SOX6: variants seen among roughly 807,000 people sequenced by gnomAD.
The protein encoded by SOX6 is transcription factor SOX-6.
SOX6 carries 11 observed loss-of-function variants against 97.8 expected under a neutral mutation model. The ratio of observed to expected loss-of-function variants is 0.11; its 90% CI spans 0.07 to 0.19. The LOEUF (loss-of-function observed/expected upper bound fraction) is 0.19. SOX6 is among the 10% of genes least tolerant of loss of function. SOX6 has a pLI of 1.00. For synonymous variants in SOX6, 360 were observed against 371.4 expected (o/e 0.97, Z 0.35); for missense variants, 810 against 1,039.5 (o/e 0.78, Z 3.04).
chr11:16,413,978 G>A (rs988582246), intron 1 of SOX6, among the ~76,000 whole-genome samples: 11 of 151,284 alleles, frequency 7.3e-5, no homozygotes, highest in African/African-American at 2.5e-4. Flanking sequence ...TGGGGAAACT[G>A]GAAAGCGATT....
At chr11:16,403,376 T>C (rs989797227) in intron 1 of SOX6, among the ~76,000 whole-genome samples, 5 of 151,734 alleles carry the variant, frequency 3.3e-5, no homozygotes, top group African/African-American at 7.2e-5. Context: ...GGTGCCATGA[T>C]GATTGGTCTG....
intron 1 of SOX6, among the ~76,000 whole-genome samples, chr11:16,427,145 G>A (rs977227151): frequency 6.6e-6 from 1 of 151,862 alleles, no homozygotes; most frequent in African/African-American, 2.4e-5. Context: ...AAACTAAAAA[G>A]CTTCTGCACA....
At chr11:16,033,469 T>C (rs1029909733) in intron 12 of SOX6, among the ~76,000 whole-genome samples, 1 of 152,186 alleles carries the variant, frequency 6.6e-6, no homozygotes, top group South Asian at 2.1e-4. Context: ...ATTTCATTCC[T>C]GATGTTTGCC....
chr11:16,732,464 C>A (rs986362170), intron 2 of SOX6, among the ~76,000 whole-genome samples: 3 of 152,144 alleles, frequency 2.0e-5, no homozygotes, highest in African/African-American at 7.2e-5. Flanking sequence ...TTTGACGAAC[C>A]TGACACAAAC....
At chr11:16,536,087 C>T (rs1000872343) in intron 4 of SOX6, among the ~76,000 whole-genome samples, 1 of 152,152 alleles carries the variant, frequency 6.6e-6, no homozygotes, top group Admixed American at 6.5e-5. Context: ...ATTGTGAAAG[C>T]ACAACAGGTG....
At chr11:16,234,393 G>A (rs1256606737) in intron 4 of SOX6, among the ~76,000 whole-genome samples, 189 bp downstream of exon 4, 2 of 151,974 alleles carry the variant, frequency 1.3e-5, no homozygotes, top group African/African-American at 4.8e-5. Flanking sequence ...CAAAAAGTGG[G>A]GAAATTTTTC....
intron 1 of SOX6, among the ~76,000 whole-genome samples, chr11:16,427,598 C>A (rs1008660722): frequency 9.2e-5 from 14 of 151,742 alleles, no homozygotes; most frequent in African/African-American, 2.9e-4. Flanking sequence ...TTTGTCCTTG[C>A]AATAGTTTGC....
chr11:16,294,213 C>A (rs1855000109), intron 3 of SOX6, among the ~76,000 whole-genome samples: 1 of 151,946 alleles, frequency 6.6e-6, no homozygotes, highest in African/African-American at 2.4e-5. Context: ...AATGACATTT[C>A]AGATAATTCA....
intron 6 of SOX6, among the ~76,000 whole-genome samples, chr11:16,169,316 T>C (rs927130353): frequency 6.6e-6 from 1 of 152,074 alleles, no homozygotes; most frequent in Non-Finnish European, 1.5e-5. Flanking sequence ...ATCATTATAA[T>C]ATAATATGAT....
intron 1 of SOX6, among the ~76,000 whole-genome samples, chr11:16,441,877 T>G (rs569578721): frequency 6.6e-6 from 1 of 152,282 alleles, no homozygotes; most frequent in South Asian, 2.1e-4. Flanking sequence ...GAAGACATTC[T>G]TAAGGTGAAA....
intron 9 of SOX6, among the ~76,000 whole-genome samples, chr11:16,083,065 T>C (rs1386581649): frequency 2.6e-5 from 4 of 152,336 alleles, no homozygotes; most frequent in South Asian, 2.1e-4. Context: ...GGGGAACTTA[T>C]ACCTCCTTTT....
chr11:16,060,390 G>A (rs992210190), intron 9 of SOX6, among the ~76,000 whole-genome samples: 3 of 151,860 alleles, frequency 2.0e-5, no homozygotes, highest in Non-Finnish European at 4.4e-5. Flanking sequence ...GAGAAAGGAA[G>A]AGGTACAGCC....
chr11:16,590,975 G>A (rs781361027), intron 4 of SOX6, among the ~76,000 whole-genome samples: 1 of 152,028 alleles, frequency 6.6e-6, no homozygotes, highest in South Asian at 2.1e-4. Context: ...AAGAAAAAAT[G>A]CTTGAGGTGA....
Position 16,687,116 on chromosome 11 carries a change from C to T in SOX6, n.429+27714G>A, listed in dbSNP as rs537756845. ...CTCCAGCCTGGACAACAGAAGAAGA[C>T]TCTGTGTCAAAAAAACAAAAAAAGA... On this transcript the variant is annotated intron_variant and non_coding_transcript_variant, in intron 3 of 5. Coordinates refer to the SOX6 transcript ENST00000524520. Among the ~76,000 whole-genome samples the T allele has an allele frequency of 3.6e-3, 545 of 152,290 alleles. 1 individual carries two copies. The highest frequency in any genetic ancestry group is 6.7e-3 in the Admixed American group (102 of 15,302).
In SOX6 at chr11:16,015,068, C is replaced by A. The variant is rs996326035; in HGVS notation, c.1624-18G>T. ...GTTCTTTCCTAGAGGAACAAATAAT[C>A]AGAGGCTTATTCTAGTTTCCAAAAC... On this transcript the variant is annotated intron_variant, in intron 12 of 15. Coordinates refer to ENST00000683767, the MANE Select transcript of SOX6 (RefSeq NM_001367873.1). 1.2e-6 allele frequency: 2 copies of A among 1,606,528 alleles called. No individual in the cohort carries two copies. Among genetic ancestry groups the A allele is most frequent in the Admixed American group, 1.7e-5 (1 of 59,778 alleles).
chr11:16,423,490 T>C (rs189989176), intron 1 of SOX6, among the ~76,000 whole-genome samples: 103 of 152,332 alleles, frequency 6.8e-4, no homozygotes, highest in Non-Finnish European at 7.6e-4. Context: ...TAGTGCTTTA[T>C]GTGTAACAAA....
intron 7 of SOX6, among the ~76,000 whole-genome samples, chr11:16,108,024 A>C (rs1226625753): frequency 6.6e-6 from 1 of 152,174 alleles, no homozygotes; most frequent in Non-Finnish European, 1.5e-5. Flanking sequence ...GATATTTTAC[A>C]AAATTTAATT....
At chr11:16,210,824 C>T (rs1852201080) in intron 4 of SOX6, among the ~76,000 whole-genome samples, 1 of 152,100 alleles carries the variant, frequency 6.6e-6, no homozygotes, top group East Asian at 1.9e-4. Flanking sequence ...AGTGGAGGAA[C>T]TCAGACAATA....
chr11:16,642,647 G>A lies in SOX6; in HGVS notation n.430-30387C>T, dbSNP rs376285633. Among the ~76,000 whole-genome samples the A allele has an allele frequency of 5.2e-4, 79 of 151,888 alleles. 4 individuals are homozygous for A. The South Asian group carries it at 0.015, about 29-fold the overall frequency. ...CTTTTTTCTCTAAATTTCTCTTCTC[G>A]CTTCATTTCATTCTTTTGATCTTCC... On this transcript the variant is annotated intron_variant and non_coding_transcript_variant, in intron 3 of 5. Coordinates refer to the SOX6 transcript ENST00000524520.
Sources: allele counts gnomAD v4.1 joint callset (sites outside exome capture counted in the v4.1 genomes callset), GRCh38; gene constraint gnomAD v4.1.1; transcripts MANE v1.5; gene names NCBI Gene and HGNC (gene_info 2026-07-23, HGNC 2026-07-21).